Variants in KANSL1L observed in about 807,000 individuals in gnomAD.
The protein encoded by KANSL1L is KAT8 regulatory NSL complex subunit 1 like.
In KANSL1L, 25 loss-of-function variants were observed where a neutral mutation model predicts 108.6. The observed-to-expected ratio is 0.23, with a 90% CI of 0.17 to 0.32. KANSL1L has a LOEUF of 0.32. Ranked by LOEUF, KANSL1L falls within the 10% of genes least tolerant of loss-of-function variation. The pLI is 1.00. For missense variants in KANSL1L, 1,137 were observed against 1,125.7 expected, an observed-to-expected ratio of 1.01 and a Z score of -0.14; for synonymous variants, 405 against 395.1, an observed-to-expected ratio of 1.03 and a Z score of -0.30.
chr2:210,156,436 A>G (rs1405261779), intron 1 of KANSL1L, among the ~76,000 whole-genome samples: 2 of 152,138 alleles, frequency 1.3e-5, no homozygotes, highest in Non-Finnish European at 2.9e-5. Flanking sequence ...ATGTCTAACA[A>G]TAACAAAACA....
At chr2:210,137,685 C>T (rs190882423) in intron 2 of KANSL1L, among the ~76,000 whole-genome samples, 1,676 of 152,172 alleles carry the variant, frequency 0.011, 21 homozygotes, top group African/African-American at 0.038. Flanking sequence ...AATTTAAATA[C>T]AATCAATTTC....
At chr2:210,135,869 T>C (rs913587166) in intron 2 of KANSL1L, among the ~76,000 whole-genome samples, 2 of 152,190 alleles carry the variant, frequency 1.3e-5, no homozygotes, top group Admixed American at 6.6e-5. Flanking sequence ...AAAATGTTCA[T>C]TGTCTTTAAG....
At chr2:210,067,153 C>T (rs2094472393) in intron 6 of KANSL1L, among the ~76,000 whole-genome samples, 1 of 152,140 alleles carries the variant, frequency 6.6e-6, no homozygotes, top group Non-Finnish European at 1.5e-5. Flanking sequence ...CATCCTCCTC[C>T]CCCTGGTTCT....
At position 210,141,657 on chromosome 2, in the gene KANSL1L, T is replaced by G. The variant is rs1575605901; in HGVS notation, c.1088+11838A>C. ...ACAATAGCCCAAGCAGATGAAATGGTCGAGGAAAAGGTATCAAGTTTTTGC... is the reference window on the plus strand; with the variant it reads ...ACAATAGCCCAAGCAGATGAAATGGGCGAGGAAAAGGTATCAAGTTTTTGC... On this transcript the variant is annotated intron_variant, in intron 2 of 14. Coordinates refer to ENST00000281772, the MANE Select transcript of KANSL1L (RefSeq NM_152519.4). 2.6e-5 allele frequency among the ~76,000 whole-genome samples: 4 copies of G among 152,264 alleles called. No individual in the cohort carries two copies. In the South Asian group the frequency reaches 8.3e-4, roughly 32 times the overall value.
chr2:210,086,728 A>G (rs2094641194), intron 5 of KANSL1L, among the ~76,000 whole-genome samples: 1 of 152,084 alleles, frequency 6.6e-6, no homozygotes, highest in Admixed American at 6.5e-5. Flanking sequence ...ATATCAAACA[A>G]AAGTTCTATA....
intron 1 of KANSL1L, chr2:210,170,701 C>T (rs35125543): frequency 0.063 from 9,602 of 152,384 alleles, 376 homozygotes; most frequent in Middle Eastern, 0.13. Context: ...TGGGCTCCGC[C>T]TCAGAGCCGC....
In KANSL1L at chr2:210,022,826, C is replaced by T; in HGVS notation, c.*123G>A. 1.4e-6 allele frequency: 1 copy of T among 698,196 alleles called. No individual in the cohort carries two copies. The highest frequency in any genetic ancestry group is 2.7e-5 in the East Asian group (1 of 36,866). The allele number at this position is 698,196 out of a possible 1,614,324, so 43.3% of individuals were successfully genotyped here. On this transcript the variant is annotated 3_prime_UTR_variant, in exon 15 of 15. Coordinates refer to ENST00000281772, the MANE Select transcript of KANSL1L (RefSeq NM_152519.4). Reference sequence around the variant, plus strand: ...AGACTTATCTTGCCTGTTTCATAAACAGCATAAAAGATTAATACATGCAGA... The same window carrying T: ...AGACTTATCTTGCCTGTTTCATAAATAGCATAAAAGATTAATACATGCAGA...
chr2:210,070,707 C>G (rs1316150316), intron 6 of KANSL1L, among the ~76,000 whole-genome samples: 1 of 152,176 alleles, frequency 6.6e-6, no homozygotes, highest in Admixed American at 6.5e-5. Context: ...GCTGAAATAA[C>G]AGTTCTGGAG....
chr2:210,089,783 G>A (rs1002063290), intron 5 of KANSL1L, among the ~76,000 whole-genome samples: 4 of 152,118 alleles, frequency 2.6e-5, no homozygotes, highest in Non-Finnish European at 1.5e-5. Context: ...CCAAAGGTGT[G>A]TTTATGCTAA....
intron 5 of KANSL1L, among the ~76,000 whole-genome samples, chr2:210,085,213 T>C (rs1349239211): frequency 6.6e-6 from 1 of 152,130 alleles, no homozygotes; most frequent in Non-Finnish European, 1.5e-5. Context: ...TAGAAACTGC[T>C]TTACAAATGC....
chr2:210,142,602 T>C (rs866887891), intron 2 of KANSL1L, among the ~76,000 whole-genome samples: 3 of 152,164 alleles, frequency 2.0e-5, no homozygotes, highest in Non-Finnish European at 4.4e-5. Flanking sequence ...TAGGTGTTTA[T>C]TGTTACAAAA....
intron 7 of KANSL1L, among the ~76,000 whole-genome samples, chr2:210,040,993 GGA>G (rs749059680): frequency 3.9e-5 from 6 of 151,992 alleles, no homozygotes; most frequent in Non-Finnish European, 7.4e-5. Flanking sequence ...TAACGTCTTG[GGA>G]GAAAACCACT....
chr2:210,152,029 T>TAG (rs1207250034), intron 2 of KANSL1L: 1 of 152,200 alleles, frequency 6.6e-6, no homozygotes, highest in Non-Finnish European at 1.5e-5. Context: ...GTTACATAGA[T>TAG]AAATCTGTGT....
intron 6 of KANSL1L, among the ~76,000 whole-genome samples, chr2:210,065,275 A>G (rs1281539195): frequency 1.6e-5 from 2 of 126,946 alleles, no homozygotes; most frequent in Non-Finnish European, 3.2e-5. Flanking sequence ...TGGATGACAG[A>G]GCACGACTCT....
chr2:210,158,839 T>C (rs1377056530), intron 1 of KANSL1L, among the ~76,000 whole-genome samples: 1 of 152,172 alleles, frequency 6.6e-6, no homozygotes, highest in Non-Finnish European at 1.5e-5. Flanking sequence ...TATAAGTACA[T>C]TTCTTCCAAT....
chr2:210,078,009 C>A (rs1414155892), intron 5 of KANSL1L, among the ~76,000 whole-genome samples: 3 of 152,164 alleles, frequency 2.0e-5, no homozygotes, highest in African/African-American at 7.2e-5. Flanking sequence ...TTTGTGTGAA[C>A]ACCATTGAGT....
intron 3 of KANSL1L, among the ~76,000 whole-genome samples, chr2:210,118,392 G>A (rs1423537750): frequency 1.3e-5 from 2 of 149,166 alleles, no homozygotes; most frequent in Non-Finnish European, 3.0e-5. Flanking sequence ...TGCTTGAATC[G>A]GGAGGTGGAG....
intron 6 of KANSL1L, among the ~76,000 whole-genome samples, chr2:210,062,008 T>C (rs1339369880): frequency 1.3e-5 from 2 of 152,224 alleles, no homozygotes; most frequent in East Asian, 3.8e-4. Context: ...TCAGTTTCTC[T>C]AAGTAAAATG....
chr2:210,023,236 T>G (rs2093885300), intron 14 of KANSL1L, 57 bp from the exon 15 acceptor site: 1 of 1,209,758 alleles, frequency 8.3e-7, no homozygotes, highest in Non-Finnish European at 1.2e-6. Flanking sequence ...TTTAAATTCA[T>G]CTAACAAGTA....
Sources: allele counts gnomAD v4.1 joint callset (sites outside exome capture counted in the v4.1 genomes callset), GRCh38; gene constraint gnomAD v4.1.1; transcripts MANE v1.5; gene names NCBI Gene and HGNC (gene_info 2026-07-23, HGNC 2026-07-21).